The following DAB1 variants were observed in gnomAD, a reference collection of about 807,000 sequenced individuals.
DAB1 encodes the protein DAB adaptor protein 1, also known as disabled homolog 1.
In DAB1, 15 loss-of-function variants were observed where a neutral mutation model predicts 64.6. That is an observed-to-expected ratio of 0.23 (90% CI 0.16 to 0.36). DAB1 has a LOEUF of 0.36. Among genes scored for constraint, DAB1 ranks in the 10% least tolerant of loss-of-function variants. The pLI, the probability that DAB1 is intolerant of heterozygous loss-of-function variation, is 1.00. For synonymous variants in DAB1, 235 were observed against 251.9 expected, an observed-to-expected ratio of 0.93 and a Z score of 0.64; for missense variants, 596 against 706.7, an observed-to-expected ratio of 0.84 and a Z score of 1.78.
intron 2 of DAB1, among the ~76,000 whole-genome samples, chr1:57,289,067 G>A (rs1159958608): frequency 1.3e-5 from 2 of 152,096 alleles, no homozygotes; most frequent in African/African-American, 4.8e-5. Context: ...CCAGTCCATG[G>A]AGGACACTCC....
At chr1:57,935,754 C>T (rs1028145062) in intron 5 of DAB1, among the ~76,000 whole-genome samples, 6 of 152,008 alleles carry the variant, frequency 3.9e-5, no homozygotes, top group African/African-American at 1.2e-4. Context: ...CAACAAAAAA[C>T]GAGTGCATAA....
intron 2 of DAB1, among the ~76,000 whole-genome samples, chr1:57,177,653 T>G (rs1282998760): frequency 1.3e-5 from 2 of 152,180 alleles, no homozygotes; most frequent in Non-Finnish European, 2.9e-5. Flanking sequence ...GTCCAGTATC[T>G]GGGCAGAATC....
At chr1:58,545,873 T>A (rs977187915) in intron 1 of DAB1, among the ~76,000 whole-genome samples, 2 of 152,194 alleles carry the variant, frequency 1.3e-5, no homozygotes, top group African/African-American at 4.8e-5. Flanking sequence ...TAAAAAAGAA[T>A]TGGACGGCAG....
intron 5 of DAB1, among the ~76,000 whole-genome samples, chr1:57,966,171 T>C (rs1210211490): frequency 6.6e-6 from 1 of 152,170 alleles, no homozygotes; most frequent in East Asian, 1.9e-4. Flanking sequence ...TGTACTACTT[T>C]TAATATCGGT....
chr1:57,734,125 C>T (rs1053670015), intron 6 of DAB1, among the ~76,000 whole-genome samples: 5 of 152,010 alleles, frequency 3.3e-5, no homozygotes, highest in African/African-American at 1.2e-4. Context: ...AAAAAAAATC[C>T]AGTCTTTTAT....
chr1:58,153,738 C>A (rs1233277806), intron 4 of DAB1, among the ~76,000 whole-genome samples: 1 of 151,428 alleles, frequency 6.6e-6, no homozygotes, highest in African/African-American at 2.4e-5. Context: ...AAAGAATCTG[C>A]TTCTTACAGA....
At chr1:57,791,591 C>T (rs1474687936) in intron 6 of DAB1, among the ~76,000 whole-genome samples, 1 of 152,104 alleles carries the variant, frequency 6.6e-6, no homozygotes, top group African/African-American at 2.4e-5. Flanking sequence ...TAATAACCAC[C>T]TTGCAGAGTA....
chr1:57,054,694 G>T (rs1649570218), intron 9 of DAB1, among the ~76,000 whole-genome samples: 1 of 151,972 alleles, frequency 6.6e-6, no homozygotes, highest in African/African-American at 2.4e-5. Flanking sequence ...TAGCCAGGAT[G>T]GTCTCGATCT....
intron 1 of DAB1, among the ~76,000 whole-genome samples, chr1:57,400,160 A>C (rs538564894): frequency 6.6e-6 from 1 of 152,334 alleles, no homozygotes; most frequent in South Asian, 2.1e-4. Context: ...CTCACCTTCC[A>C]ATATGAACTG....
chr1:57,421,898 G>A (rs1204200411), intron 1 of DAB1, among the ~76,000 whole-genome samples: 1 of 117,748 alleles, frequency 8.5e-6, no homozygotes, highest in Non-Finnish European at 1.9e-5. Flanking sequence ...GAGATGGGGG[G>A]TGGCGGGGGG....
intron 1 of DAB1, among the ~76,000 whole-genome samples, chr1:57,304,473 CG>C (rs1558129193): frequency 6.6e-6 from 1 of 152,168 alleles, no homozygotes; most frequent in Non-Finnish European, 1.5e-5. Context: ...TGAGCATCAC[CG>C]TCTCACGGAC....
intron 5 of DAB1, among the ~76,000 whole-genome samples, chr1:57,892,967 T>TA (rs2101984681): frequency 6.6e-6 from 1 of 152,016 alleles, no homozygotes; most frequent in East Asian, 1.9e-4. Context: ...AATGGCTTGT[T>TA]AAAACATGAT....
intron 3 of DAB1, among the ~76,000 whole-genome samples, chr1:58,347,524 A>G (rs1644013090): frequency 6.6e-6 from 1 of 152,288 alleles, no homozygotes; most frequent in East Asian, 1.9e-4. Flanking sequence ...GGGAAAGACA[A>G]TCCTTGGAGG....
intron 5 of DAB1, among the ~76,000 whole-genome samples, chr1:57,906,955 G>A (rs910527099): frequency 6.6e-6 from 1 of 151,678 alleles, no homozygotes; most frequent in African/African-American, 2.4e-5. Context: ...TAGATAGATA[G>A]ATAGATAGAT....
At chr1:57,246,917 T>A (rs1037938009) in intron 2 of DAB1, among the ~76,000 whole-genome samples, 6 of 152,226 alleles carry the variant, frequency 3.9e-5, no homozygotes, top group African/African-American at 7.2e-5. Flanking sequence ...GCCAATTTCT[T>A]CCTTTTAGAA....
At chr1:57,310,721 T>C (rs1029872594) in intron 1 of DAB1, among the ~76,000 whole-genome samples, 2 of 152,234 alleles carry the variant, frequency 1.3e-5, no homozygotes, top group South Asian at 2.1e-4. Flanking sequence ...TGTAGTGAGA[T>C]AGCTTCAAAA....
chr1:57,274,486 A>G (rs940790546), intron 2 of DAB1, among the ~76,000 whole-genome samples: 3 of 152,252 alleles, frequency 2.0e-5, no homozygotes, highest in African/African-American at 4.8e-5. Context: ...TAAGCGCTCA[A>G]TAAATACTAG....
intron 2 of DAB1, among the ~76,000 whole-genome samples, chr1:57,251,910 C>T (rs114916067): frequency 0.035 from 5,291 of 152,246 alleles, 94 homozygotes; most frequent in African/African-American, 0.04. Context: ...CGTGACAGCC[C>T]CCCAGCACAC....
chr1:57,007,509 G>A (rs1646116950), intron 14 of DAB1, among the ~76,000 whole-genome samples: 1 of 152,140 alleles, frequency 6.6e-6, no homozygotes, highest in Non-Finnish European at 1.5e-5. Flanking sequence ...AGATGGGAGG[G>A]TAGGGGGAAA....
Sources: gnomAD v4.1 joint callset for allele counts (sites outside exome capture counted in the v4.1 genomes callset) on GRCh38, gnomAD v4.1.1 for gene constraint, MANE v1.5 for transcripts, NCBI Gene and HGNC (gene_info 2026-07-23, HGNC 2026-07-21) for gene names.